Variants in PTPRG observed in about 807,000 individuals in gnomAD.
The protein encoded by PTPRG is receptor-type tyrosine-protein phosphatase gamma.
A neutral mutation model predicts 165.3 loss-of-function variants in PTPRG; 102 were observed. That is an observed-to-expected ratio of 0.62 (90% CI 0.53 to 0.73). The LOEUF (loss-of-function observed/expected upper bound fraction) is 0.73, where lower values mean the gene tolerates loss of function less well. PTPRG is among the 30% of genes least tolerant of loss of function. The pLI, the probability that PTPRG is intolerant of heterozygous loss-of-function variation, is 0.00. For synonymous variants in PTPRG, 675 were observed against 669.5 expected (o/e 1.01, Z -0.13); for missense variants, 1,866 against 1,861.4 (o/e 1.00, Z -0.05).
At chr3:61,799,488 C>CA (rs2035168328) in intron 2 of PTPRG, among the ~76,000 whole-genome samples, 2 of 152,176 alleles carry the variant, frequency 1.3e-5, no homozygotes, top group South Asian at 4.1e-4. Flanking sequence ...GACAGTTTCT[C>CA]AGACTTTCCT....
chr3:62,238,488 C>T (rs1384999196), intron 14 of PTPRG, among the ~76,000 whole-genome samples: 2 of 152,028 alleles, frequency 1.3e-5, no homozygotes, highest in Non-Finnish European at 2.9e-5. Flanking sequence ...TTCATAGAAA[C>T]TGAAATTAAT....
chr3:61,616,648 G>C (rs903854827), intron 1 of PTPRG, among the ~76,000 whole-genome samples: 1 of 152,302 alleles, frequency 6.6e-6, no homozygotes, highest in African/African-American at 2.4e-5. Flanking sequence ...CTGGACAGAC[G>C]GTACTCTTCT....
intron 2 of PTPRG, among the ~76,000 whole-genome samples, chr3:61,824,063 G>T (rs917175107): frequency 6.6e-6 from 1 of 152,130 alleles, no homozygotes; most frequent in African/African-American, 2.4e-5. Context: ...CGCGGAGCTT[G>T]CAGTGAGCCA....
chr3:61,881,447 A>G (rs951125257), intron 2 of PTPRG, among the ~76,000 whole-genome samples: 1 of 152,156 alleles, frequency 6.6e-6, no homozygotes, highest in Non-Finnish European at 1.5e-5. Context: ...ACAAATATGC[A>G]ACACAGCAGC....
At chr3:62,221,957 G>A (rs1700660663) in intron 13 of PTPRG, among the ~76,000 whole-genome samples, 1 of 152,256 alleles carries the variant, frequency 6.6e-6, no homozygotes, top group African/African-American at 2.4e-5. Context: ...GCCAGGCACT[G>A]TGCCAAGCAC....
intron 27 of PTPRG, among the ~76,000 whole-genome samples, chr3:62,282,078 A>G (rs1321859613): frequency 6.6e-6 from 1 of 152,086 alleles, no homozygotes; most frequent in Non-Finnish European, 1.5e-5. Flanking sequence ...TGGGATGAGT[A>G]AGCATGGGGG....
intron 2 of PTPRG, among the ~76,000 whole-genome samples, chr3:61,984,548 T>G (rs2040711625): frequency 6.6e-6 from 1 of 152,186 alleles, no homozygotes; most frequent in South Asian, 2.1e-4. Flanking sequence ...AAAATTTAAC[T>G]TATTTAACAC....
In PTPRG at chr3:61,738,921, C is replaced by G. The variant is rs966043675; in HGVS notation, c.86-9957C>G. Among the ~76,000 whole-genome samples, 4 of 149,534 alleles carry G rather than the reference C, an allele frequency of 2.7e-5. No homozygotes were observed. In the East Asian group the frequency reaches 5.9e-4, roughly 22 times the overall value. On this transcript the variant is annotated intron_variant, in intron 1 of 29. Coordinates refer to ENST00000474889, the MANE Select transcript of PTPRG (RefSeq NM_002841.4). ...TCCTGAATAGCTGGAACCACCTTGC[C>G]TGGCTAATTTTCATTTTTATTTTTG...
At chr3:61,838,848 G>A (rs746328616) in intron 2 of PTPRG, among the ~76,000 whole-genome samples, 5 of 152,292 alleles carry the variant, frequency 3.3e-5, no homozygotes, top group Middle Eastern at 3.4e-3. Flanking sequence ...TTGATAGCAT[G>A]TTATTAGTGT....
chr3:61,670,709 T>C (rs931417593), intron 1 of PTPRG, among the ~76,000 whole-genome samples: 1 of 152,114 alleles, frequency 6.6e-6, no homozygotes, highest in African/African-American at 2.4e-5. Context: ...TTCCTGAGCC[T>C]CCGGTTGTAG....
intron 2 of PTPRG, among the ~76,000 whole-genome samples, chr3:61,821,358 A>G (rs2035950889): frequency 6.6e-6 from 1 of 151,990 alleles, no homozygotes; most frequent in Non-Finnish European, 1.5e-5. Flanking sequence ...TTTAGTAGAG[A>G]CGGGGTTTTA....
chr3:62,034,761 AAAAT>A (rs1424795242), intron 4 of PTPRG, among the ~76,000 whole-genome samples: 2 of 152,214 alleles, frequency 1.3e-5, no homozygotes, highest in African/African-American at 4.8e-5. Context: ...GAATGATTAA[AAAAT>A]AAATAAAATC....
At chr3:62,131,187 G>A (rs1268096058) in intron 5 of PTPRG, among the ~76,000 whole-genome samples, 1 of 152,164 alleles carries the variant, frequency 6.6e-6, no homozygotes, top group Non-Finnish European at 1.5e-5. Context: ...ATGTTTAGCA[G>A]CAGCTCTGGC....
intron 2 of PTPRG, among the ~76,000 whole-genome samples, chr3:61,879,950 T>TG (rs2037840249): frequency 6.6e-6 from 1 of 152,204 alleles, no homozygotes; most frequent in Admixed American, 6.5e-5. Flanking sequence ...AACCAAGGAT[T>TG]GTCTTCACTA....
chr3:61,566,276 T>C (rs1206441552), intron 1 of PTPRG, among the ~76,000 whole-genome samples: 2 of 152,186 alleles, frequency 1.3e-5, no homozygotes, highest in Non-Finnish European at 2.9e-5. Flanking sequence ...TGTTGTTGTT[T>C]ACATGAAGCG....
chr3:61,765,673 C>T (rs979780557), intron 2 of PTPRG, among the ~76,000 whole-genome samples: 6 of 152,114 alleles, frequency 3.9e-5, no homozygotes, highest in East Asian at 1.9e-4. Context: ...GACAGGCTAC[C>T]GTGATCCAGC....
chr3:61,722,222 TAC>T (rs111827362), intron 1 of PTPRG, among the ~76,000 whole-genome samples: 49 of 148,888 alleles, frequency 3.3e-4, no homozygotes, highest in Admixed American at 6.0e-4. Context: ...GCAAAACAAA[TAC>T]ACACACACAC....
chr3:61,803,015 C>T (rs1399182446), intron 2 of PTPRG, among the ~76,000 whole-genome samples: 1 of 152,182 alleles, frequency 6.6e-6, no homozygotes, highest in Non-Finnish European at 1.5e-5. Context: ...CCAAATTCAG[C>T]TGTCTGATGA....
chr3:62,032,256 A>C (rs1699793207), intron 4 of PTPRG, among the ~76,000 whole-genome samples: 4 of 152,218 alleles, frequency 2.6e-5, no homozygotes, highest in Admixed American at 6.5e-5. Context: ...AGGATTAGTC[A>C]AAAGTGCCAC....
Sources: allele counts gnomAD v4.1 joint callset (sites outside exome capture counted in the v4.1 genomes callset), GRCh38; gene constraint gnomAD v4.1.1; transcripts MANE v1.5; gene names NCBI Gene and HGNC (gene_info 2026-07-23, HGNC 2026-07-21).